The following LMBR1L variants were observed in gnomAD, a reference collection of about 807,000 sequenced individuals.
LMBR1L encodes the protein limb development membrane protein 1 like, also known as protein LMBR1L.
A neutral mutation model predicts 67.3 loss-of-function variants in LMBR1L; 47 were observed. The observed-to-expected ratio is 0.70, with a 90% CI of 0.55 to 0.89. LMBR1L has a LOEUF of 0.89. Among genes scored for constraint, LMBR1L ranks in the 40% least tolerant of loss-of-function variants. LMBR1L has a pLI of 0.00. For missense variants in LMBR1L, 533 were observed against 599.2 expected (o/e 0.89, Z 1.15); for synonymous variants, 247 against 250.3 (o/e 0.99, Z 0.13).
At chr12:49,100,326 G>T in intron 15 of LMBR1L, 62 bp downstream of exon 15, 1 of 1,281,628 alleles carries the variant, frequency 7.8e-7, no homozygotes, top group Non-Finnish European at 1.1e-6. Context: ...TAAAGTGCCT[G>T]CTTTGCATCA....
chr12:49,102,847 G>T lies in LMBR1L; in HGVS notation c.696+40C>A, dbSNP rs1469606564. 4 of 1,580,344 alleles carry T rather than the reference G, an allele frequency of 2.5e-6. No individual in the cohort carries two copies. The East Asian group carries it at 9.0e-5, about 35-fold the overall frequency. Reference sequence around the variant, plus strand: ...TTGTTTGGTTCCAGCTCTGCAGGAAGCTCACCCTGCAGGATCAAAGAGCAA... The same window carrying T: ...TTGTTTGGTTCCAGCTCTGCAGGAATCTCACCCTGCAGGATCAAAGAGCAA... On this transcript the variant is annotated intron_variant, in intron 8 of 16. Coordinates refer to ENST00000267102, the MANE Select transcript of LMBR1L (RefSeq NM_018113.4).
intron 1 of LMBR1L, 97 bp from the exon 2 acceptor site, chr12:49,107,142 A>C: frequency 1.3e-6 from 1 of 783,090 alleles, no homozygotes; most frequent in Non-Finnish European, 2.2e-6. Context: ...TCACTTCCTC[A>C]AGATAAGGCT....
intron 2 of LMBR1L, 97 bp downstream of exon 2, chr12:49,106,864 G>T: frequency 9.5e-7 from 1 of 1,047,318 alleles, no homozygotes; most frequent in Non-Finnish European, 1.5e-6. Flanking sequence ...GCCCCACACA[G>T]CCACTGCTCC....
At position 49,100,379 on chromosome 12, in the gene LMBR1L, A is replaced by C. The variant is rs1939988900; in HGVS notation, c.1240+9T>G. On this transcript the variant is annotated intron_variant, in intron 15 of 16. Coordinates refer to ENST00000267102, the MANE Select transcript of LMBR1L (RefSeq NM_018113.4). ...TCCAATTCCTTTATCTCCTCCTTTC[A>C]ATACTTACCCAGGGTTCGAGAGAAG... The C allele has an allele frequency of 6.2e-7, 1 of 1,608,810 alleles. No individual in the cohort carries two copies. The highest frequency in any genetic ancestry group is 8.5e-7 in the Non-Finnish European group (1 of 1,175,534).
intron 6 of LMBR1L, 33 bp from the exon 7 acceptor site, chr12:49,103,192 T>C (rs374462963): frequency 1.1e-4 from 179 of 1,581,112 alleles, no homozygotes; most frequent in Non-Finnish European, 1.4e-4. Flanking sequence ...TGTCAGCTCA[T>C]CTCTCCTTAC....
At chr12:49,098,820 A>G (rs1415708863) in intron 15 of LMBR1L, among the ~76,000 whole-genome samples, 3 of 152,168 alleles carry the variant, frequency 2.0e-5, no homozygotes, top group Non-Finnish European at 4.4e-5. Context: ...GTTTTGTTTA[A>G]TTTGGTTTTG....
Position 49,097,658 on chromosome 12 carries a change from C to A in LMBR1L, c.*14G>T, listed in dbSNP as rs1301237098. ...GCAGTGTCCAGTTTTTTCCTTCCCA[C>A]CCCCAGCTGGAGGTCACTGGTGCTG... On this transcript the variant is annotated 3_prime_UTR_variant, in exon 17 of 17. Transcript: ENST00000267102. 16 of 1,612,208 alleles carry A rather than the reference C, an allele frequency of 9.9e-6. No individual in the cohort carries two copies. The highest frequency in any genetic ancestry group is 4.5e-5 in the East Asian group (2 of 44,894).
Position 49,102,951 on chromosome 12 carries a change from A to G in LMBR1L, c.632T>C (p.Val211Ala), listed in dbSNP as rs768842162. 24 of 1,613,860 alleles carry G rather than the reference A, an allele frequency of 1.5e-5. No homozygotes were observed. In the East Asian group the frequency reaches 4.9e-4, roughly 33 times the overall value. ...ISFLGVLLLL[V>A]CTPLGLARMF... ...GCGGGCGAGACCCAGTGGAGTACACACTGTAGGGACAAGAGCCAGTCACTT... is the reference window on the plus strand; with the variant it reads ...GCGGGCGAGACCCAGTGGAGTACACGCTGTAGGGACAAGAGCCAGTCACTT... Residue 211 changes from valine to alanine, a missense_variant and splice_region_variant, in exon 8 of 17, where the codon GTG (valine) becomes GCG (alanine). By Grantham distance (64) the Val-to-Ala change is moderately conservative. This residue lies in a region of LMBR1L where 64 missense variants were observed against 109.0 expected (regional missense o/e 0.59). Coordinates refer to ENST00000267102, the MANE Select transcript of LMBR1L (RefSeq NM_018113.4).
Position 49,100,654 on chromosome 12 carries a change from T to C in LMBR1L, c.1083-8A>G, listed in dbSNP as rs769484159. On this transcript the variant is annotated splice_polypyrimidine_tract_variant and splice_region_variant and intron_variant, in intron 13 of 16. Transcript: ENST00000267102. Reference sequence around the variant, plus strand: ...GAGGACACCATTAGGTAACTGCCACTGCATTAAGGAAGAACTGGCTGGCTC... The same window carrying C: ...GAGGACACCATTAGGTAACTGCCACCGCATTAAGGAAGAACTGGCTGGCTC... The C allele has an allele frequency of 8.7e-6, 14 of 1,603,958 alleles. No homozygotes were observed. The highest frequency in any genetic ancestry group is 1.3e-5 in the African/African-American group (1 of 74,658).
chr12:49,099,711 A>G (rs1389181206), intron 15 of LMBR1L, among the ~76,000 whole-genome samples: 1 of 151,738 alleles, frequency 6.6e-6, no homozygotes, highest in East Asian at 1.9e-4. Context: ...CTTCCCGAGT[A>G]GCTGGGACTA....
At chr12:49,099,827 C>T (rs1209229436) in intron 15 of LMBR1L, among the ~76,000 whole-genome samples, 3 of 152,180 alleles carry the variant, frequency 2.0e-5, no homozygotes, top group East Asian at 1.9e-4. Flanking sequence ...GTGATCCGCC[C>T]GCCTTGGCCT....
At chr12:49,104,606 G>C in intron 4 of LMBR1L, 55 bp from the exon 5 acceptor site, 1 of 1,565,518 alleles carries the variant, frequency 6.4e-7, no homozygotes, top group Non-Finnish European at 8.8e-7. Flanking sequence ...GCAACCCACA[G>C]GAGACTGACC....
chr12:49,104,605 AG>A, intron 4 of LMBR1L, 54 bp from the exon 5 acceptor site: 1 of 1,565,704 alleles, frequency 6.4e-7, no homozygotes, highest in Non-Finnish European at 8.8e-7. Flanking sequence ...GGCAACCCAC[AG>A]GAGACTGACC....
chr12:49,106,887 T>A (rs2050705691), intron 2 of LMBR1L, 74 bp downstream of exon 2: 1 of 1,198,488 alleles, frequency 8.3e-7, no homozygotes, highest in African/African-American at 1.5e-5. Flanking sequence ...TCCCAGTGGG[T>A]ACCATAGGCC....
intron 2 of LMBR1L, 72 bp downstream of exon 2, chr12:49,106,889 C>T (rs1378897148): frequency 3.0e-5 from 37 of 1,215,534 alleles, no homozygotes; most frequent in Non-Finnish European, 4.3e-5. Flanking sequence ...CCAGTGGGTA[C>T]CATAGGCCCA....
rs781781045 is a variant in LMBR1L, at chr12:49,098,094, A to T, written c.1252T>A (p.Phe418Ile). The change falls in exon 16 of 17, where the codon TTT (phenylalanine) becomes ATT (isoleucine). Residue 418 changes from phenylalanine (F) to isoleucine (I), a missense_variant. This residue lies in a region of LMBR1L where 223 missense variants were observed against 241.2 expected (regional missense o/e 0.92). Transcript: ENST00000267102. ...CGTCCAAAGTCACCCAGCAGGTCAA[A>T]GCGAGTGAGCCCTGAAGCACAAAGG... Reference protein sequence around the residue: ...VFSRTLGLTRFDLLGDFGRFN... With the variant: ...VFSRTLGLTRIDLLGDFGRFN... 7 of 1,613,662 alleles carry T rather than the reference A, an allele frequency of 4.3e-6. No homozygotes were observed. The South Asian group carries it at 7.7e-5, about 18-fold the overall frequency.
In LMBR1L at chr12:49,100,522, C is replaced by T. The variant is rs563804033; in HGVS notation, c.1173+34G>A. ...GCAGGCACCTAGTGCCCATCCACAC[C>T]CCCCGGGAGCTTCCCTTACTCCCTC... On this transcript the variant is annotated intron_variant, in intron 14 of 16. Coordinates refer to ENST00000267102, the MANE Select transcript of LMBR1L (RefSeq NM_018113.4). 95 of 1,609,276 alleles carry T rather than the reference C, an allele frequency of 5.9e-5. No individual in the cohort carries two copies. In the South Asian group the frequency reaches 1.0e-3, roughly 17 times the overall value.
intron 15 of LMBR1L, 67 bp downstream of exon 15, chr12:49,100,319 AGT>A: frequency 8.5e-7 from 1 of 1,174,052 alleles, no homozygotes; most frequent in South Asian, 1.2e-5. Context: ...ATGTATATAA[AGT>A]GCCTGCTTTG....
In LMBR1L at chr12:49,104,845, C is replaced by T; in HGVS notation, c.232G>A (p.Ala78Thr). The change falls in exon 4 of 17, where the codon GCT (alanine) becomes ACT (threonine). Residue 78 changes from alanine (A) to threonine (T), a missense_variant. By Grantham distance (58) the Ala-to-Thr change is moderately conservative. Transcript: ENST00000267102. The part of the protein sequence containing the change: ...CTFTLAIALG[A>T]VLLLPFSIIS... ...ATGGAGAAGGGCAGGAGCAGGACAG[C>T]ACCCAGGGCAATTGCCAGGGTAAAG... 2 of 1,613,554 alleles carry T rather than the reference C, an allele frequency of 1.2e-6. No individual in the cohort carries two copies. The highest frequency in any genetic ancestry group is 2.2e-5 in the East Asian group (1 of 44,870).
Sources: allele counts gnomAD v4.1 joint callset (sites outside exome capture counted in the v4.1 genomes callset), GRCh38; gene constraint gnomAD v4.1.1; regional missense constraint gnomAD v4.1.1; transcripts MANE v1.5; gene names NCBI Gene and HGNC (gene_info 2026-07-23, HGNC 2026-07-21).